Variants in GRM5 observed in about 807,000 individuals in gnomAD.
The protein encoded by GRM5 is metabotropic glutamate receptor 5.
A neutral mutation model predicts 83.1 loss-of-function variants in GRM5; 19 were observed. The ratio of observed to expected loss-of-function variants is 0.23; its 90% CI spans 0.16 to 0.34. GRM5 has a LOEUF of 0.34. Ranked by LOEUF, GRM5 falls within the 10% of genes least tolerant of loss-of-function variation. The probability of loss-of-function intolerance (pLI) is 1.00; values close to 1 mark genes in which losing one functional copy is unlikely to be tolerated. For synonymous variants in GRM5, 675 were observed against 633.6 expected (o/e 1.07, Z -0.98); for missense variants, 1,160 against 1,588.3 (o/e 0.73, Z 4.58).
intron 2 of GRM5, among the ~76,000 whole-genome samples, chr11:88,880,375 G>A (rs1237734616): frequency 6.6e-6 from 1 of 152,108 alleles, no homozygotes; most frequent in Non-Finnish European, 1.5e-5. Flanking sequence ...TGTACATTTT[G>A]TATATTTCTC....
intron 4 of GRM5, among the ~76,000 whole-genome samples, chr11:88,631,709 T>G (rs1938974889): frequency 6.6e-6 from 1 of 152,212 alleles, no homozygotes; most frequent in East Asian, 1.9e-4. Context: ...CTGAGTCATC[T>G]GAGAGACTGG....
At chr11:88,832,562 T>C (rs985476786) in intron 3 of GRM5, among the ~76,000 whole-genome samples, 15 of 152,188 alleles carry the variant, frequency 9.9e-5, no homozygotes, top group African/African-American at 3.4e-4. Context: ...ACAGATTCCA[T>C]GTAATTCCTT....
intron 8 of GRM5, among the ~76,000 whole-genome samples, chr11:88,533,122 T>C (rs11020240): frequency 0.29 from 44,259 of 152,094 alleles, 7,401 homozygotes; most frequent in East Asian, 0.64. Context: ...CTCAAAACGC[T>C]GTTAGTTACC....
At chr11:89,014,937 G>C (rs1940811420) in intron 2 of GRM5, among the ~76,000 whole-genome samples, 1 of 152,200 alleles carries the variant, frequency 6.6e-6, no homozygotes. Context: ...ACGTGTTCAA[G>C]TGAGCTGCAC....
intron 2 of GRM5, among the ~76,000 whole-genome samples, chr11:88,983,874 C>T (rs1477726633): frequency 6.6e-6 from 1 of 151,904 alleles, no homozygotes; most frequent in African/African-American, 2.4e-5. Context: ...TTTACAGGTC[C>T]TGATTCTTTG....
chr11:88,543,184 G>A (rs1336853480), intron 8 of GRM5, among the ~76,000 whole-genome samples: 1 of 152,200 alleles, frequency 6.6e-6, no homozygotes, highest in Non-Finnish European at 1.5e-5. Context: ...CACAAGCTTG[G>A]CACACTGTGC....
intron 1 of GRM5, among the ~76,000 whole-genome samples, chr11:89,051,380 C>G (rs1424152083): frequency 6.6e-6 from 1 of 152,042 alleles, no homozygotes; most frequent in Non-Finnish European, 1.5e-5. Flanking sequence ...CAAGAAAGGT[C>G]CAGGCCATGC....
At chr11:88,754,697 A>G (rs938809851) in intron 3 of GRM5, among the ~76,000 whole-genome samples, 2 of 152,136 alleles carry the variant, frequency 1.3e-5, no homozygotes, top group African/African-American at 2.4e-5. Flanking sequence ...TGCATATGTG[A>G]GGGTCTGTAT....
intron 3 of GRM5, among the ~76,000 whole-genome samples, chr11:88,786,679 C>T (rs1943074297): frequency 6.6e-6 from 1 of 152,136 alleles, no homozygotes; most frequent in Non-Finnish European, 1.5e-5. Flanking sequence ...TCATTAAGGA[C>T]ATTCCTGACT....
At position 88,508,413 on chromosome 11, in the gene GRM5, T is replaced by C; in HGVS notation, c.*179A>G. The C allele has an allele frequency of 2.0e-6, 1 of 495,100 alleles. No homozygotes were observed. Among genetic ancestry groups the C allele is most frequent in the Non-Finnish European group, 3.5e-6 (1 of 284,262 alleles). 30.7% of individuals were successfully genotyped at this position (495,100 alleles called of 1,614,324 possible). A position where few individuals can be genotyped will look rare whatever the true frequency, so the allele number is the denominator to read the frequency against. Reference sequence around the variant, plus strand: ...AGAAGAAAATCTGCCAAAAGATTTGTCGTCGGTTTCTTCGTCGGTTGTCAT... The same window carrying C: ...AGAAGAAAATCTGCCAAAAGATTTGCCGTCGGTTTCTTCGTCGGTTGTCAT... On this transcript the variant is annotated 3_prime_UTR_variant, in exon 10 of 10. Transcript: ENST00000305447. This position sits in a 1 kb window ranked among gnomAD's most constrained non-coding sequence, Gnocchi z 4.2.
At chr11:88,768,049 T>G (rs7116857) in intron 3 of GRM5, among the ~76,000 whole-genome samples, 12,893 of 151,950 alleles carry the variant, frequency 0.085, 1,006 homozygotes, top group African/African-American at 0.21. Flanking sequence ...CTTAAAAAAT[T>G]AGAAATATAA....
intron 3 of GRM5, among the ~76,000 whole-genome samples, chr11:88,758,756 C>A (rs1028626904): frequency 2.6e-5 from 4 of 152,116 alleles, no homozygotes; most frequent in Admixed American, 6.5e-5. Context: ...CAGTAAGATT[C>A]TTCACAAGAA....
At chr11:88,905,851 G>C (rs1280210891) in intron 2 of GRM5, among the ~76,000 whole-genome samples, 1 of 152,130 alleles carries the variant, frequency 6.6e-6, no homozygotes, top group African/African-American at 2.4e-5. Flanking sequence ...CAACCCCGGA[G>C]TGTGGCAAGG....
chr11:88,834,876 A>G lies in GRM5; in HGVS notation c.911+15030T>C, dbSNP rs1045223758. On this transcript the variant is annotated intron_variant, in intron 3 of 9. Transcript: ENST00000305447. ...AGCTGGCTTACTTGCAGAGAAACAT[A>G]TATTTAGTCTACTTTTTCGATTTTA... Among the ~76,000 whole-genome samples, 8 of 152,148 alleles carry G rather than the reference A, an allele frequency of 5.3e-5. 1 individual carries two copies. Among genetic ancestry groups the G allele is most frequent in the African/African-American group, 1.7e-4 (7 of 41,446 alleles).
At chr11:88,791,485 C>G (rs1591518919) in intron 3 of GRM5, among the ~76,000 whole-genome samples, 2 of 152,134 alleles carry the variant, frequency 1.3e-5, no homozygotes, top group East Asian at 3.9e-4. Context: ...TCACCCACTT[C>G]CAACCTCCCT....
At chr11:88,819,539 C>G (rs1262761393) in intron 3 of GRM5, among the ~76,000 whole-genome samples, 1 of 151,894 alleles carries the variant, frequency 6.6e-6, no homozygotes, top group Admixed American at 6.6e-5. Flanking sequence ...TTTTTTGAAA[C>G]AAAAATGAAA....
intron 8 of GRM5, among the ~76,000 whole-genome samples, chr11:88,555,096 C>T (rs1942596029): frequency 6.6e-6 from 1 of 152,136 alleles, no homozygotes. Flanking sequence ...CCCTTACCAG[C>T]TATGTAATCT....
At chr11:88,595,073 C>T (rs1937761570) in intron 6 of GRM5, among the ~76,000 whole-genome samples, 1 of 152,060 alleles carries the variant, frequency 6.6e-6, no homozygotes, top group Non-Finnish European at 1.5e-5. Context: ...ACCAAATTAT[C>T]CATTACATGC....
chr11:88,911,181 G>A (rs183767795), intron 2 of GRM5, among the ~76,000 whole-genome samples: 34 of 152,068 alleles, frequency 2.2e-4, no homozygotes, highest in Middle Eastern at 3.4e-3. Context: ...ATAAAAAAAG[G>A]GACTAGTCCC....
Sources: allele counts gnomAD v4.1 joint callset (sites outside exome capture counted in the v4.1 genomes callset), GRCh38; gene constraint gnomAD v4.1.1; non-coding constraint Gnocchi (gnomAD v3.1); transcripts MANE v1.5; gene names NCBI Gene and HGNC (gene_info 2026-07-23, HGNC 2026-07-21).